Variants in ZNF618 observed in about 807,000 individuals in gnomAD.
ZNF618 encodes the protein zinc finger protein 618, also known as neural precursor cell expressed, developmentally down-regulated 10.
A neutral mutation model predicts 103.0 loss-of-function variants in ZNF618; 34 were observed. That is an observed-to-expected ratio of 0.33 (90% CI 0.25 to 0.44). ZNF618 has a LOEUF of 0.44. Among genes scored for constraint, ZNF618 ranks in the 20% least tolerant of loss-of-function variants. The probability of loss-of-function intolerance (pLI) is 1.00; values close to 1 mark genes in which losing one functional copy is unlikely to be tolerated. For synonymous variants in ZNF618, 551 were observed against 542.2 expected, an observed-to-expected ratio of 1.02 and a Z score of -0.23; for missense variants, 1,059 against 1,295.4, an observed-to-expected ratio of 0.82 and a Z score of 2.80.
At chr9:114,007,820 A>C (rs543562280) in intron 7 of ZNF618, among the ~76,000 whole-genome samples, 1 of 152,348 alleles carries the variant, frequency 6.6e-6, no homozygotes, top group African/African-American at 2.4e-5. Flanking sequence ...TAGAAATTAG[A>C]ATAATACATT....
At chr9:113,954,081 G>A (rs892439843) in intron 1 of ZNF618, among the ~76,000 whole-genome samples, 1 of 152,100 alleles carries the variant, frequency 6.6e-6, no homozygotes, top group Non-Finnish European at 1.5e-5. Flanking sequence ...GAGGTTCTGG[G>A]GGTTGAGTCT....
Position 114,052,204 on chromosome 9 carries a change from T to TG in ZNF618, c.*2042dup. 1 of 152,770 alleles carries TG rather than the reference T, an allele frequency of 6.5e-6. No individual in the cohort carries two copies. The allele number at this position is 152,770 out of a possible 1,614,324, so 9.5% of individuals were successfully genotyped here. ...GATCATGGACCTGGAACATAGTGTTTGGGGGCCAAGCCTGCACACTTTGCC... is the reference window on the plus strand; with the variant it reads ...GATCATGGACCTGGAACATAGTGTTTGGGGGGCCAAGCCTGCACACTTTGCC... On this transcript the variant is annotated 3_prime_UTR_variant, in exon 15 of 15. Transcript: ENST00000374126.
intron 6 of ZNF618, among the ~76,000 whole-genome samples, chr9:114,004,237 G>A (rs1841523704): frequency 6.6e-6 from 1 of 152,160 alleles, no homozygotes; most frequent in Admixed American, 6.5e-5. Flanking sequence ...GCATGTTCCA[G>A]AGAGAAATCT....
intron 1 of ZNF618, among the ~76,000 whole-genome samples, chr9:113,909,062 C>T (rs1831256407): frequency 6.6e-6 from 1 of 151,868 alleles, no homozygotes. Context: ...GGGATAGGAG[C>T]CAGGAGTCTG....
intron 9 of ZNF618, among the ~76,000 whole-genome samples, chr9:114,009,465 C>T (rs912390485): frequency 6.6e-6 from 1 of 152,042 alleles, no homozygotes; most frequent in African/African-American, 2.4e-5. Flanking sequence ...TTAGGAAGCC[C>T]CATTTTGCTG....
chr9:113,897,613 C>A (rs1323000283), intron 1 of ZNF618, among the ~76,000 whole-genome samples: 1 of 152,074 alleles, frequency 6.6e-6, no homozygotes, highest in East Asian at 1.9e-4. Context: ...TCTATATATC[C>A]ATATACCCCT....
At chr9:114,007,780 A>G (rs762331893) in intron 7 of ZNF618, among the ~76,000 whole-genome samples, 2 of 152,224 alleles carry the variant, frequency 1.3e-5, no homozygotes, top group Non-Finnish European at 2.9e-5. Context: ...AAAACGAATG[A>G]TGGCCTTTTA....
chr9:114,033,078 A>G (rs1844242610), intron 12 of ZNF618, among the ~76,000 whole-genome samples: 1 of 152,166 alleles, frequency 6.6e-6, no homozygotes, highest in Non-Finnish European at 1.5e-5. Context: ...TGTCTCAGCC[A>G]GTTTCTTTAC....
chr9:113,915,150 C>T (rs749613497), intron 1 of ZNF618, among the ~76,000 whole-genome samples: 2 of 152,180 alleles, frequency 1.3e-5, no homozygotes, highest in African/African-American at 2.4e-5. Flanking sequence ...TTGTGCAAGG[C>T]GCTGGAGTTT....
At chr9:114,044,404 C>A (rs948990932) in intron 13 of ZNF618, among the ~76,000 whole-genome samples, 2 of 152,128 alleles carry the variant, frequency 1.3e-5, no homozygotes, top group African/African-American at 4.8e-5. Flanking sequence ...GTCTATGTGC[C>A]TATTTTTATG....
At chr9:113,955,148 T>C (rs866845584) in intron 1 of ZNF618, among the ~76,000 whole-genome samples, 31 of 27,120 alleles carry the variant, frequency 1.1e-3, no homozygotes, top group African/African-American at 3.1e-3. Flanking sequence ...TGACTTCTCT[T>C]TTTTTTTTTT....
chr9:113,961,104 C>T (rs1836804120), intron 1 of ZNF618, among the ~76,000 whole-genome samples: 1 of 152,218 alleles, frequency 6.6e-6, no homozygotes, highest in Non-Finnish European at 1.5e-5. Context: ...CAGTTTTATT[C>T]CCCCTGTCGA....
At chr9:113,884,704 C>A (rs181611247) in intron 1 of ZNF618, among the ~76,000 whole-genome samples, 4 of 150,560 alleles carry the variant, frequency 2.7e-5, no homozygotes, top group Non-Finnish European at 5.9e-5. Context: ...CCTTCCTTAT[C>A]GACACACACA....
chr9:113,982,222 C>A lies in ZNF618; in HGVS notation c.78-6099C>A, dbSNP rs142198732. Among the ~76,000 whole-genome samples the A allele has an allele frequency of 6.7e-3, 1,018 of 152,300 alleles. 4 individuals carry two copies. The highest frequency in any genetic ancestry group is 0.011 in the Non-Finnish European group (751 of 68,026). ...TTGGTTGCCTATGGCTGCTTTTGCT[C>A]CTGTTGCTTCACTACAATAGCAGTT... On this transcript the variant is annotated intron_variant, in intron 2 of 14. Coordinates refer to ENST00000374126, the MANE Select transcript of ZNF618 (RefSeq NM_001318042.2).
At chr9:113,920,519 G>A (rs7034105) in intron 1 of ZNF618, among the ~76,000 whole-genome samples, 27 of 151,352 alleles carry the variant, frequency 1.8e-4, no homozygotes, top group African/African-American at 2.2e-4. Context: ...GTCCTGCCTC[G>A]GCCTCCCACG....
chr9:113,955,467 A>C (rs1290434453), intron 1 of ZNF618, among the ~76,000 whole-genome samples: 1 of 152,044 alleles, frequency 6.6e-6, no homozygotes, highest in Non-Finnish European at 1.5e-5. Flanking sequence ...CTTCCTTTCC[A>C]GCTGTGAGAG....
chr9:113,988,760 C>G (rs1237332921), intron 3 of ZNF618, among the ~76,000 whole-genome samples, 180 bp downstream of exon 3: 3 of 152,236 alleles, frequency 2.0e-5, no homozygotes, highest in South Asian at 4.1e-4. Context: ...TGTGCAGTTT[C>G]CGGCTGGAGA....
chr9:114,021,345 T>A (rs1843051508), intron 10 of ZNF618, among the ~76,000 whole-genome samples: 1 of 152,098 alleles, frequency 6.6e-6, no homozygotes, highest in African/African-American at 2.4e-5. Context: ...TACTTAACGA[T>A]CCAAGGTTAG....
At chr9:114,014,156 G>A (rs1842474563) in intron 9 of ZNF618, among the ~76,000 whole-genome samples, 1 of 152,160 alleles carries the variant, frequency 6.6e-6, no homozygotes, top group South Asian at 2.1e-4. Flanking sequence ...TGGGAATTAA[G>A]GCAGCAATCA....
Sources: allele counts gnomAD v4.1 joint callset (sites outside exome capture counted in the v4.1 genomes callset), GRCh38; gene constraint gnomAD v4.1.1; transcripts MANE v1.5; gene names NCBI Gene and HGNC (gene_info 2026-07-23, HGNC 2026-07-21).